PLEKHA5: variants seen among roughly 807,000 people sequenced by gnomAD.
PLEKHA5 encodes the protein pleckstrin homology domain-containing family A member 5.
In PLEKHA5, 55 loss-of-function variants were observed where a neutral mutation model predicts 181.9. The observed-to-expected ratio is 0.30, with a 90% CI of 0.24 to 0.38. The LOEUF is 0.38. PLEKHA5 is among the 10% of genes least tolerant of loss of function. The pLI is 1.00. For synonymous variants in PLEKHA5, 535 were observed against 529.4 expected, an observed-to-expected ratio of 1.01 and a Z score of -0.15; for missense variants, 1,432 against 1,549.5, an observed-to-expected ratio of 0.92 and a Z score of 1.27.
At position 19,176,569 on chromosome 12, in the gene PLEKHA5, G is replaced by A. The variant is rs370897324; in HGVS notation, c.227+44119G>A. 2.6e-5 allele frequency: 4 copies of A among 152,246 alleles called. No homozygotes were observed. The East Asian group carries it at 7.8e-4, about 30-fold the overall frequency. The allele number at this position is 152,246 out of a possible 1,614,324, so 9.4% of individuals were successfully genotyped here. ...AGCTTCCTAAGTAGCTGGGACTATA[G>A]GCGTGAGCCACCATGCCTGCCTTTC... is the stretch of plus-strand genomic sequence containing the variant. On this transcript the variant is annotated intron_variant, in intron 3 of 31. Transcript: ENST00000429027.
chr12:19,314,956 T>C (rs1298885553), intron 16 of PLEKHA5, 62 bp downstream of exon 16: 3 of 855,202 alleles, frequency 3.5e-6, no homozygotes, highest in East Asian at 2.6e-5. Context: ...AGTGACAGTT[T>C]TGATTTATTC....
intron 15 of PLEKHA5, chr12:19,307,064 C>T: frequency 7.4e-7 from 1 of 1,343,622 alleles, no homozygotes; most frequent in Non-Finnish European, 1.1e-6. Flanking sequence ...AACTTGAACT[C>T]AATCTGTTGC....
At chr12:19,333,481 C>T (rs776658768) in intron 20 of PLEKHA5, among the ~76,000 whole-genome samples, 10 of 151,616 alleles carry the variant, frequency 6.6e-5, no homozygotes, top group Non-Finnish European at 1.5e-4. Context: ...CCCAGCTACT[C>T]GGGAGGTCGA....
chr12:19,195,497 G>C (rs1014497337), intron 3 of PLEKHA5, among the ~76,000 whole-genome samples: 4 of 151,572 alleles, frequency 2.6e-5, no homozygotes, highest in Admixed American at 2.0e-4. Context: ...GTGAAACCCT[G>C]TCTCTACAAA....
chr12:19,179,092 G>A (rs143873796), intron 3 of PLEKHA5, among the ~76,000 whole-genome samples: 25 of 152,250 alleles, frequency 1.6e-4, no homozygotes, highest in African/African-American at 5.1e-4. Flanking sequence ...GTTTTTATGC[G>A]AGACATTTAA....
At chr12:19,136,454 C>T (rs1334699129) in intron 3 of PLEKHA5, among the ~76,000 whole-genome samples, 2 of 152,164 alleles carry the variant, frequency 1.3e-5, no homozygotes, top group Non-Finnish European at 2.9e-5. Context: ...ACGCAAATAA[C>T]TTAGCCCATA....
chr12:19,196,794 GTTTTTTCTTTT>G (rs1592023314), intron 3 of PLEKHA5, among the ~76,000 whole-genome samples: 3 of 123,326 alleles, frequency 2.4e-5, no homozygotes, highest in Admixed American at 8.9e-5. Context: ...TTTTTAACTT[GTTTTTTCTTTT>G]TTTTTTCTTT....
intron 11 of PLEKHA5, among the ~76,000 whole-genome samples, chr12:19,279,293 TAA>T (rs1368197417): frequency 6.6e-6 from 1 of 152,136 alleles, no homozygotes; most frequent in African/African-American, 2.4e-5. Flanking sequence ...CTGGCATAGT[TAA>T]AAGAGTGCTG....
chr12:19,200,528 C>G (rs1021278420), intron 3 of PLEKHA5: 1 of 1,340,192 alleles, frequency 7.5e-7, no homozygotes, highest in Admixed American at 3.2e-5. Flanking sequence ...TTACTCACCT[C>G]AGAATGCTTG....
chr12:19,143,949 T>C (rs1174162776), intron 3 of PLEKHA5, among the ~76,000 whole-genome samples: 2 of 152,204 alleles, frequency 1.3e-5, no homozygotes, highest in Non-Finnish European at 2.9e-5. Context: ...ATGTCTGTTT[T>C]TTGTAGAATT....
intron 3 of PLEKHA5, among the ~76,000 whole-genome samples, chr12:19,218,412 C>T (rs1398799012): frequency 6.6e-6 from 1 of 152,002 alleles, no homozygotes; most frequent in Non-Finnish European, 1.5e-5. Flanking sequence ...AAAGTGATGC[C>T]ATATATTTAA....
intron 31 of PLEKHA5, chr12:19,372,395 G>GTTTTTTTT (rs34877323): frequency 2.2e-5 from 3 of 139,220 alleles, no homozygotes; most frequent in Non-Finnish European, 4.7e-5. Flanking sequence ...GGGATTATTT[G>GTTTTTTTT]TTTTTGTTTT....
intron 30 of PLEKHA5, 112 bp from the exon 31 acceptor site, chr12:19,369,581 A>C: frequency 1.7e-6 from 1 of 600,772 alleles, no homozygotes; most frequent in Non-Finnish European, 2.9e-6. Context: ...TGTATCTATT[A>C]CTTCCTTCTC....
intron 3 of PLEKHA5, among the ~76,000 whole-genome samples, chr12:19,251,609 C>A (rs1402149874): frequency 1.3e-5 from 2 of 151,666 alleles, no homozygotes; most frequent in Non-Finnish European, 2.9e-5. Flanking sequence ...CAGATAAAAT[C>A]ATGCATAAGC....
At chr12:19,221,474 G>T (rs376122698) in intron 3 of PLEKHA5, among the ~76,000 whole-genome samples, 21 of 152,122 alleles carry the variant, frequency 1.4e-4, no homozygotes, top group East Asian at 9.6e-4. Context: ...GGGTTTAGGG[G>T]GTGAGAGGAA....
In PLEKHA5 at chr12:19,162,269, A is replaced by G. The variant is rs570025260; in HGVS notation, c.227+29819A>G. 3.3e-5 allele frequency among the ~76,000 whole-genome samples: 5 copies of G among 152,258 alleles called. No individual in the cohort carries two copies. The South Asian group carries it at 1.0e-3, about 32-fold the overall frequency. On this transcript the variant is annotated intron_variant, in intron 3 of 31. Coordinates refer to ENST00000429027, the MANE Select transcript of PLEKHA5 (RefSeq NM_001256470.2). The stretch of plus-strand genomic sequence containing the variant: ...TGGATAGTAGAGATAACACTGAAAT[A>G]ATGTGCCTTCCCCCAATGAAATATT...
intron 3 of PLEKHA5, among the ~76,000 whole-genome samples, chr12:19,232,635 C>T (rs372800789): frequency 1.3e-5 from 2 of 152,248 alleles, no homozygotes; most frequent in South Asian, 2.1e-4. Context: ...GAAGGGCTTT[C>T]TCATTATAAA....
At chr12:19,247,194 G>C (rs2063968572) in intron 3 of PLEKHA5, among the ~76,000 whole-genome samples, 1 of 152,174 alleles carries the variant, frequency 6.6e-6, no homozygotes, top group East Asian at 1.9e-4. Flanking sequence ...CCCGTTTTCA[G>C]AGTGCTGTCA....
chr12:19,357,953 T>A (rs1270530019), intron 26 of PLEKHA5, among the ~76,000 whole-genome samples: 1 of 151,300 alleles, frequency 6.6e-6, no homozygotes, highest in East Asian at 1.9e-4. Flanking sequence ...ATTTTTTTTT[T>A]AAGCCAAAAA....
Sources: allele counts gnomAD v4.1 joint callset (sites outside exome capture counted in the v4.1 genomes callset), GRCh38; gene constraint gnomAD v4.1.1; transcripts MANE v1.5; gene names NCBI Gene and HGNC (gene_info 2026-07-23, HGNC 2026-07-21).